Variants in CA10 observed in about 807,000 individuals in gnomAD.
The protein encoded by CA10 is carbonic anhydrase 10 (inactive), also known as carbonic anhydrase-related protein 10.
A neutral mutation model predicts 44.2 loss-of-function variants in CA10; 14 were observed. That is an observed-to-expected ratio of 0.32 (90% CI 0.21 to 0.50). The LOEUF (loss-of-function observed/expected upper bound fraction) is 0.50, where lower values mean the gene tolerates loss of function less well. CA10 is among the 20% of genes least tolerant of loss of function. The probability of loss-of-function intolerance (pLI) is 0.99; values close to 1 mark genes in which losing one functional copy is unlikely to be tolerated. For synonymous variants in CA10, 159 were observed against 141.6 expected, an observed-to-expected ratio of 1.12 and a Z score of -0.87; for missense variants, 350 against 409.7, an observed-to-expected ratio of 0.85 and a Z score of 1.26.
At chr17:52,082,894 T>C (rs1379614943) in intron 1 of CA10, among the ~76,000 whole-genome samples, 1 of 152,210 alleles carries the variant, frequency 6.6e-6, no homozygotes, top group Non-Finnish European at 1.5e-5. Context: ...ATTTATCTGT[T>C]TGGAATCAGG....
intron 2 of CA10, among the ~76,000 whole-genome samples, chr17:52,043,283 T>C (rs181194039): frequency 1.3e-5 from 2 of 152,254 alleles, no homozygotes; most frequent in Admixed American, 1.3e-4. Flanking sequence ...ATAGATCTTT[T>C]ATCTCCTTAG....
intron 3 of CA10, among the ~76,000 whole-genome samples, chr17:51,837,375 T>C (rs1222162183): frequency 6.6e-6 from 1 of 152,206 alleles, no homozygotes; most frequent in African/African-American, 2.4e-5. Flanking sequence ...CTGACATTTC[T>C]GAAGGTCTAC....
chr17:51,917,347 G>A (rs1773805993), intron 3 of CA10, among the ~76,000 whole-genome samples: 1 of 152,236 alleles, frequency 6.6e-6, no homozygotes, highest in African/African-American at 2.4e-5. Flanking sequence ...GTGCCTTTCA[G>A]AAGGTACTGA....
intron 1 of CA10, among the ~76,000 whole-genome samples, chr17:52,099,247 T>C (rs1043592636): frequency 2.0e-5 from 3 of 152,248 alleles, no homozygotes; most frequent in Non-Finnish European, 2.9e-5. Context: ...GGAAGGTCAG[T>C]AAACTGCCTG....
At chr17:51,718,931 G>T (rs1916267330) in intron 4 of CA10, among the ~76,000 whole-genome samples, 1 of 152,126 alleles carries the variant, frequency 6.6e-6, no homozygotes, top group African/African-American at 2.4e-5. Context: ...TCATACTACT[G>T]CCCTGAGGAT....
intron 3 of CA10, among the ~76,000 whole-genome samples, chr17:51,773,683 G>A (rs1259611189): frequency 1.3e-5 from 2 of 152,244 alleles, no homozygotes; most frequent in Non-Finnish European, 2.9e-5. Context: ...CATGTCATGT[G>A]CTTCAGCACA....
At chr17:51,971,968 A>G (rs1015135548) in intron 2 of CA10, among the ~76,000 whole-genome samples, 1 of 152,086 alleles carries the variant, frequency 6.6e-6, no homozygotes, top group Non-Finnish European at 1.5e-5. Context: ...GATTTATCAG[A>G]GTAGTCATTT....
intron 3 of CA10, among the ~76,000 whole-genome samples, chr17:51,861,563 G>C (rs977905996): frequency 2.7e-5 from 4 of 149,432 alleles, no homozygotes; most frequent in African/African-American, 9.9e-5. Context: ...TTTTTAATGA[G>C]ATGATTTGGG....
chr17:52,022,146 T>C (rs145376493), intron 2 of CA10, among the ~76,000 whole-genome samples: 289 of 151,918 alleles, frequency 1.9e-3, no homozygotes, highest in African/African-American at 6.6e-3. Flanking sequence ...AGCAAAGACA[T>C]GATAAAAAAA....
At chr17:52,111,007 A>T (rs1459582156) in intron 1 of CA10, among the ~76,000 whole-genome samples, 2 of 152,176 alleles carry the variant, frequency 1.3e-5, no homozygotes, top group African/African-American at 4.8e-5. Context: ...CATGACAGGG[A>T]CTCAATAAAT....
At chr17:51,706,759 A>G (rs1333055802) in intron 4 of CA10, among the ~76,000 whole-genome samples, 1 of 152,112 alleles carries the variant, frequency 6.6e-6, no homozygotes, top group Non-Finnish European at 1.5e-5. Context: ...CTCTCTCCTA[A>G]CACATAGGTT....
intron 3 of CA10, among the ~76,000 whole-genome samples, chr17:51,902,582 C>T (rs537477582): frequency 9.2e-5 from 14 of 152,234 alleles, no homozygotes; most frequent in African/African-American, 3.4e-4. Flanking sequence ...ACTCTTAACT[C>T]AGTGCTTTCT....
intron 3 of CA10, among the ~76,000 whole-genome samples, chr17:51,884,937 A>G (rs150052067): frequency 6.6e-6 from 1 of 152,188 alleles, no homozygotes; most frequent in African/African-American, 2.4e-5. Context: ...TTGTATCTTC[A>G]CATGCCCTTT....
intron 4 of CA10, among the ~76,000 whole-genome samples, chr17:51,737,361 T>C (rs1916946180): frequency 6.6e-6 from 1 of 152,152 alleles, no homozygotes; most frequent in Non-Finnish European, 1.5e-5. Flanking sequence ...GTCATTTTAG[T>C]TCACCGTGGT....
intron 3 of CA10, among the ~76,000 whole-genome samples, chr17:51,776,252 G>A (rs1424950698): frequency 2.0e-5 from 3 of 152,240 alleles, no homozygotes; most frequent in Non-Finnish European, 2.9e-5. Context: ...CCTGGTGTGA[G>A]TAGCCCCAGC....
chr17:51,816,787 A>T (rs950373330), intron 3 of CA10, among the ~76,000 whole-genome samples: 3 of 152,200 alleles, frequency 2.0e-5, no homozygotes, highest in African/African-American at 7.2e-5. Context: ...TTATTCAATT[A>T]CAAACATTAT....
At chr17:51,678,480 T>C (rs1405047705) in intron 4 of CA10, among the ~76,000 whole-genome samples, 1 of 152,254 alleles carries the variant, frequency 6.6e-6, no homozygotes, top group East Asian at 1.9e-4. Flanking sequence ...AAAAATATTT[T>C]ACTTCTGTTG....
intron 1 of CA10, among the ~76,000 whole-genome samples, chr17:52,091,216 T>A (rs1185375645): frequency 6.6e-6 from 1 of 152,142 alleles, no homozygotes; most frequent in Non-Finnish European, 1.5e-5. Flanking sequence ...TCAAGTGTTA[T>A]GATGATGAAG....
chr17:52,054,098 T>C (rs1284454477), intron 2 of CA10, among the ~76,000 whole-genome samples: 1 of 152,208 alleles, frequency 6.6e-6, no homozygotes, highest in Non-Finnish European at 1.5e-5. Flanking sequence ...GAGATAACCT[T>C]AAACTCTGGC....
Sources: allele counts gnomAD v4.1 joint callset (sites outside exome capture counted in the v4.1 genomes callset), GRCh38; gene constraint gnomAD v4.1.1; transcripts MANE v1.5; gene names NCBI Gene and HGNC (gene_info 2026-07-23, HGNC 2026-07-21).